Variants in TJP1 observed in about 807,000 individuals in gnomAD.
TJP1 encodes tight junction protein ZO-1.
In TJP1, 43 loss-of-function variants were observed where a neutral mutation model predicts 194.2. The ratio of observed to expected loss-of-function variants is 0.22; its 90% CI spans 0.17 to 0.29. The LOEUF is 0.29. Among genes scored for constraint, TJP1 ranks in the 10% least tolerant of loss-of-function variants. The pLI, the probability that TJP1 is intolerant of heterozygous loss-of-function variation, is 1.00. For synonymous variants in TJP1, 801 were observed against 779.0 expected (o/e 1.03, Z -0.47); for missense variants, 1,971 against 2,185.7 (o/e 0.90, Z 1.96).
intron 2 of TJP1, among the ~76,000 whole-genome samples, chr15:29,798,939 T>C (rs191895135): frequency 1.3e-5 from 2 of 152,320 alleles, no homozygotes; most frequent in East Asian, 1.9e-4. Flanking sequence ...TTACATGACA[T>C]TCTAGAAAAG....
At chr15:29,927,253 G>A (rs2054555428) in intron 2 of TJP1, among the ~76,000 whole-genome samples, 2 of 152,168 alleles carry the variant, frequency 1.3e-5, no homozygotes, top group African/African-American at 4.8e-5. Context: ...CTGGGAGGCA[G>A]AGGTTGCAGT....
intron 2 of TJP1, among the ~76,000 whole-genome samples, chr15:29,838,147 A>G (rs1260563546): frequency 1.3e-5 from 2 of 152,194 alleles, no homozygotes; most frequent in Non-Finnish European, 2.9e-5. Flanking sequence ...GAAGTTGGCC[A>G]GGCATGGTAG....
At chr15:29,730,291 A>G (rs985864218) in intron 15 of TJP1, among the ~76,000 whole-genome samples, 5 of 152,138 alleles carry the variant, frequency 3.3e-5, no homozygotes, top group African/African-American at 1.2e-4. Flanking sequence ...CAGTTTAAAA[A>G]TAAAACAAAA....
chr15:29,956,690 G>C (rs2055955748), intron 1 of TJP1, among the ~76,000 whole-genome samples: 1 of 152,050 alleles, frequency 6.6e-6, no homozygotes, highest in South Asian at 2.1e-4. Context: ...GCCCAGCCTG[G>C]GCAATACAGG....
chr15:29,844,122 T>C (rs1233061993), intron 2 of TJP1, among the ~76,000 whole-genome samples: 1 of 152,094 alleles, frequency 6.6e-6, no homozygotes, highest in Non-Finnish European at 1.5e-5. Flanking sequence ...TCCCTCTGTC[T>C]CCCAGGCTGC....
chr15:29,785,340 AC>A (rs2047634101), intron 2 of TJP1, among the ~76,000 whole-genome samples: 1 of 152,212 alleles, frequency 6.6e-6, no homozygotes, highest in Non-Finnish European at 1.5e-5. Context: ...TTTACTGGAC[AC>A]TAGCCATGCC....
intron 1 of TJP1, among the ~76,000 whole-genome samples, chr15:29,805,888 G>GA (rs2049082250): frequency 6.6e-6 from 1 of 152,098 alleles, no homozygotes; most frequent in Non-Finnish European, 1.5e-5. Context: ...TGTTTCAGAA[G>GA]AAACAGCATG....
chr15:29,713,078 T>G (rs1024580337), intron 23 of TJP1, among the ~76,000 whole-genome samples: 1 of 152,220 alleles, frequency 6.6e-6, no homozygotes, highest in Non-Finnish European at 1.5e-5. Context: ...CATCTAATGA[T>G]GTCTCACAAA....
At chr15:29,798,408 G>A (rs1440401105) in intron 2 of TJP1, among the ~76,000 whole-genome samples, 2 of 151,782 alleles carry the variant, frequency 1.3e-5, no homozygotes, top group Admixed American at 6.6e-5. Context: ...TTACCAGTTC[G>A]GCACCCATAA....
intron 25 of TJP1, among the ~76,000 whole-genome samples, chr15:29,706,462 C>A (rs886139458): frequency 6.6e-6 from 1 of 151,990 alleles, no homozygotes; most frequent in African/African-American, 2.4e-5. Flanking sequence ...CAAAATGAAG[C>A]TCAAAGGAAA....
chr15:29,718,811 A>G lies in TJP1; in HGVS notation c.3331T>C (p.Ser1111Pro). Residue 1111 changes from serine to proline, a missense_variant, in exon 21 of 28, where the codon TCT (serine) becomes CCT (proline). By Grantham distance (74) the Ser-to-Pro change is moderately conservative. Around this residue, in one of 5 missense-constraint regions of TJP1, gnomAD observed 1,108 missense variants for 1,128.5 expected, o/e 0.98. Coordinates refer to ENST00000614355, the MANE Select transcript of TJP1 (RefSeq NM_001330239.4). Reference protein sequence around the residue: ...PSRPPFDNQHSQDLDSRQHPE... With the variant: ...PSRPPFDNQHPQDLDSRQHPE... ...TGCTGTCTGGAGTCAAGGTCTTGAG[A>G]GTGCTGATTATCAAAAGGTGGCCGA... 1 of 1,614,120 alleles carries G rather than the reference A, an allele frequency of 6.2e-7. No homozygotes were observed. Among genetic ancestry groups the G allele is most frequent in the South Asian group, 1.1e-5 (1 of 91,072 alleles).
chr15:29,776,190 T>C (rs556162719), intron 2 of TJP1, among the ~76,000 whole-genome samples: 1 of 151,972 alleles, frequency 6.6e-6, no homozygotes, highest in Non-Finnish European at 1.5e-5. Context: ...AAATACTCCA[T>C]GAAAAAGGGA....
At chr15:29,853,346 A>G (rs962384000) in intron 2 of TJP1, among the ~76,000 whole-genome samples, 1 of 152,226 alleles carries the variant, frequency 6.6e-6, no homozygotes, top group African/African-American at 2.4e-5. Context: ...ATCCGATAGT[A>G]GATACGTGAA....
intron 18 of TJP1, among the ~76,000 whole-genome samples, chr15:29,723,292 C>T (rs998156202): frequency 3.3e-5 from 5 of 152,116 alleles, no homozygotes; most frequent in South Asian, 2.1e-4. Flanking sequence ...GAGGTGATCA[C>T]GAGGGCGGTT....
chr15:29,949,656 C>T lies in TJP1; in HGVS notation c.306+6576G>A, dbSNP rs1418227720. ...TCCACCACCTCCACCACCACCACCT[C>T]CACCTCCACAACCACCACCTCCACC... On this transcript the variant is annotated intron_variant, in intron 2 of 28. Coordinates refer to the TJP1 transcript ENST00000356107. Among the ~76,000 whole-genome samples the T allele has an allele frequency of 1.1e-4, 14 of 125,868 alleles. No individual in the cohort carries two copies. The South Asian group carries it at 2.5e-3, about 22-fold the overall frequency. The allele number at this position is 125,868 out of a possible 152,430, so 82.6% of individuals were successfully genotyped here. A position where few individuals can be genotyped will look rare whatever the true frequency, so the allele number is the denominator to read the frequency against.
chr15:29,762,820 G>C (rs946262873), intron 5 of TJP1, among the ~76,000 whole-genome samples: 3 of 152,148 alleles, frequency 2.0e-5, no homozygotes, highest in Non-Finnish European at 2.9e-5. Context: ...GGCTGGACTT[G>C]AATTCCTGGG....
At chr15:29,796,459 TA>T (rs1386444573) in intron 2 of TJP1, among the ~76,000 whole-genome samples, 3 of 149,902 alleles carry the variant, frequency 2.0e-5, no homozygotes, top group African/African-American at 7.4e-5. Context: ...TATTTAACTA[TA>T]AACCTAACAA....
intron 22 of TJP1, 102 bp from the exon 23 acceptor site, chr15:29,716,940 C>T: frequency 2.0e-6 from 2 of 983,596 alleles, no homozygotes; most frequent in Admixed American, 2.5e-5. Context: ...TCAATAATTA[C>T]TAACTGCTGT....
chr15:29,847,430 T>G (rs1188291146), intron 2 of TJP1, among the ~76,000 whole-genome samples: 1 of 152,186 alleles, frequency 6.6e-6, no homozygotes, highest in African/African-American at 2.4e-5. Flanking sequence ...TTTGCTCTCC[T>G]TTTTCTAGGT....
Sources: gnomAD v4.1 joint callset for allele counts (sites outside exome capture counted in the v4.1 genomes callset) on GRCh38, gnomAD v4.1.1 for gene constraint, gnomAD v4.1.1 regional missense constraint, MANE v1.5 for transcripts, NCBI Gene and HGNC (gene_info 2026-07-23, HGNC 2026-07-21) for gene names.